The following UNC5A variants were observed in gnomAD, a reference collection of about 807,000 sequenced individuals.
UNC5A encodes the protein netrin receptor UNC5A.
Under a neutral mutation model 87.4 loss-of-function variants are expected in UNC5A, and 20 were observed. That is an observed-to-expected ratio of 0.23 (90% CI 0.16 to 0.33). The LOEUF is 0.33. Ranked by LOEUF, UNC5A falls within the 10% of genes least tolerant of loss-of-function variation. The pLI, the probability that UNC5A is intolerant of heterozygous loss-of-function variation, is 1.00. For missense variants in UNC5A, 844 were observed against 1,133.4 expected (o/e 0.74, Z 3.67); for synonymous variants, 438 against 482.3 (o/e 0.91, Z 1.20).
At chr5:176,876,869 A>G (rs562502903) in intron 8 of UNC5A, among the ~76,000 whole-genome samples, 43 of 152,314 alleles carry the variant, frequency 2.8e-4, no homozygotes, top group Non-Finnish European at 1.5e-5. Context: ...GTTTTAAGCA[A>G]GGGATACCCT....
At chr5:176,839,960 G>A (rs1757235886) in intron 1 of UNC5A, among the ~76,000 whole-genome samples, 1 of 151,930 alleles carries the variant, frequency 6.6e-6, no homozygotes, top group Non-Finnish European at 1.5e-5. Context: ...CAGGCTTGTG[G>A]TCTACTGCCT....
At chr5:176,829,156 A>AGATG (rs70991573) in intron 1 of UNC5A, among the ~76,000 whole-genome samples, 31 of 122,276 alleles carry the variant, frequency 2.5e-4, no homozygotes, top group African/African-American at 7.0e-4. Context: ...AAAGAAAGAA[A>AGATG]GATGGATGGA....
At chr5:176,867,087 C>T (rs1245572200) in intron 2 of UNC5A, among the ~76,000 whole-genome samples, 1 of 152,182 alleles carries the variant, frequency 6.6e-6, no homozygotes, top group Non-Finnish European at 1.5e-5. Flanking sequence ...GCAATGCAGC[C>T]CTAATTGAAT....
chr5:176,817,187 C>G (rs780907652), intron 1 of UNC5A, among the ~76,000 whole-genome samples: 2 of 149,396 alleles, frequency 1.3e-5, no homozygotes, highest in African/African-American at 2.5e-5. Flanking sequence ...CCCCCAGAGC[C>G]GGGCCTCTCC....
chr5:176,878,963 C>G (rs1465704189), intron 13 of UNC5A, among the ~76,000 whole-genome samples: 1 of 152,168 alleles, frequency 6.6e-6, no homozygotes, highest in African/African-American at 2.4e-5. Flanking sequence ...AGGGGAAGAG[C>G]ATTTCTGGCG....
chr5:176,860,023 G>A (rs1168908932), intron 1 of UNC5A, among the ~76,000 whole-genome samples: 1 of 152,226 alleles, frequency 6.6e-6, no homozygotes, highest in Admixed American at 6.5e-5. Flanking sequence ...CCAGGCGGCT[G>A]ACGCAAGCAG....
In UNC5A at chr5:176,841,567, G is replaced by A. The variant is rs1488721464; in HGVS notation, c.71-21057G>A. Among the ~76,000 whole-genome samples the A allele has an allele frequency of 1.3e-5, 2 of 152,254 alleles. No individual in the cohort carries two copies. Among genetic ancestry groups the A allele is most frequent in the African/African-American group, 4.8e-5 (2 of 41,462 alleles). On this transcript the variant is annotated intron_variant, in intron 1 of 14. Transcript: ENST00000329542. The surrounding 1 kb of genome is among the most constrained non-coding windows in gnomAD (Gnocchi z 4.1). ...GTAGCACCTAATTCGTAACGTTGCT[G>A]TGAGGATGAAATGAGAAGTTCTCTA...
rs576368102 is a variant in UNC5A at position 176,830,603 on chromosome 5, G to GGT, written c.70+19793_70+19794dup. 4.8e-3 allele frequency among the ~76,000 whole-genome samples: 630 copies of GGT among 131,996 alleles called. 9 individuals are homozygous for GGT. Among genetic ancestry groups the GGT allele is most frequent in the South Asian group, 0.013 (49 of 3,800 alleles). The allele number at this position is 131,996 out of a possible 152,430, so 86.6% of individuals were successfully genotyped here. ...GTGCGCGTGCTGGTGTGTGCATGCT[G>GGT]GTGTGTGTGTGCGCTGGCGTGTGTG... On this transcript the variant is annotated intron_variant, in intron 1 of 14. Coordinates refer to ENST00000329542, the MANE Select transcript of UNC5A (RefSeq NM_133369.3).
At chr5:176,822,683 A>T (rs1227851459) in intron 1 of UNC5A, among the ~76,000 whole-genome samples, 1 of 152,184 alleles carries the variant, frequency 6.6e-6, no homozygotes, top group East Asian at 1.9e-4. Flanking sequence ...GTGACTTCAG[A>T]GCTGGTCCCT....
intron 1 of UNC5A, among the ~76,000 whole-genome samples, chr5:176,858,415 G>T (rs190998600): frequency 2.6e-3 from 401 of 152,252 alleles, no homozygotes; most frequent in Non-Finnish European, 4.4e-3. Flanking sequence ...CTCCTGCCTC[G>T]GAGGGATCCA....
intron 1 of UNC5A, among the ~76,000 whole-genome samples, chr5:176,826,911 A>T (rs948672075): frequency 2.6e-5 from 4 of 151,672 alleles, no homozygotes; most frequent in African/African-American, 9.7e-5. Context: ...AGTGCTGGGA[A>T]TACAGGCGTG....
At position 176,810,816 on chromosome 5, in the gene UNC5A, C is replaced by T; in HGVS notation, c.66C>T (p.Gly22=). The T allele has an allele frequency of 8.2e-7, 1 of 1,222,374 alleles. No homozygotes were observed. Among genetic ancestry groups the T allele is most frequent in the Non-Finnish European group, 1.0e-6 (1 of 981,762 alleles). The allele number at this position is 1,222,374 out of a possible 1,614,324, so 75.7% of individuals were successfully genotyped here. A position where few individuals can be genotyped will look rare whatever the true frequency, so the allele number is the denominator to read the frequency against. The change falls in exon 1 of 15, where the codon GGC becomes GGT. Residue 22 remains glycine (G), a synonymous_variant. Transcript: ENST00000329542. This position sits in a 1 kb window ranked among gnomAD's most constrained non-coding sequence, Gnocchi z 7.3. ...LGIVLAAWLR[G]SGAQQSATVA... ...TAGTCCTCGCCGCTTGGCTCCGCGG[C>T]TCGGGTGAGTCACGCCGCGCGCGCT...
At chr5:176,819,069 C>T (rs1255975369) in intron 1 of UNC5A, among the ~76,000 whole-genome samples, 1 of 152,214 alleles carries the variant, frequency 6.6e-6, no homozygotes, top group East Asian at 1.9e-4. Flanking sequence ...CTTCTGGGGC[C>T]GCACAGGTTG....
At position 176,878,268 on chromosome 5, in the gene UNC5A, C is replaced by T. The variant is rs1282485929; in HGVS notation, c.1894C>T (p.Leu632=). 6.2e-6 allele frequency: 10 copies of T among 1,612,474 alleles called. No homozygotes were observed. Among genetic ancestry groups the T allele is most frequent in the Non-Finnish European group, 8.5e-6 (10 of 1,179,784 alleles). Residue 632 remains leucine, a synonymous_variant, in exon 12 of 15, where the codon CTG becomes TTG. Transcript: ENST00000329542. Reference sequence around the variant, plus strand: ...GGAGGTGGTGCAGCTGGAGAAGCAGCTGGGGGGACAGCTGATCCAGGAGCC... The same window carrying T: ...GGAGGTGGTGCAGCTGGAGAAGCAGTTGGGGGGACAGCTGATCCAGGAGCC... The part of the protein sequence containing the change: ...LKEVVQLEKQ[L]GGQLIQEPRV...
intron 1 of UNC5A, among the ~76,000 whole-genome samples, chr5:176,820,392 G>A (rs185853846): frequency 0.01 from 1,514 of 151,334 alleles, 32 homozygotes; most frequent in African/African-American, 0.035. Context: ...GTGAGACTCC[G>A]TCTCAAAAAA....
chr5:176,878,750 C>G, intron 13 of UNC5A, 111 bp downstream of exon 13: 1 of 1,409,974 alleles, frequency 7.1e-7, no homozygotes, highest in Non-Finnish European at 9.6e-7. Flanking sequence ...TCCCTCCCGC[C>G]TGTCCCCAGG....
chr5:176,833,191 G>C (rs907756324), intron 1 of UNC5A, among the ~76,000 whole-genome samples: 3 of 152,214 alleles, frequency 2.0e-5, no homozygotes, highest in African/African-American at 7.2e-5. Flanking sequence ...TGCGTGTGCA[G>C]GATTGTTACA....
At chr5:176,812,039 C>G (rs566915454) in intron 1 of UNC5A, among the ~76,000 whole-genome samples, 5 of 152,268 alleles carry the variant, frequency 3.3e-5, no homozygotes, top group East Asian at 3.9e-4. Flanking sequence ...CCGCCCCATC[C>G]TGCCTCCTCA....
chr5:176,818,909 T>C (rs574282337), intron 1 of UNC5A, among the ~76,000 whole-genome samples: 13 of 152,214 alleles, frequency 8.5e-5, no homozygotes, highest in Non-Finnish European at 1.6e-4. Flanking sequence ...TCTTGTGGTG[T>C]TGGCTTTCCT....
Sources: gnomAD v4.1 joint callset for allele counts (sites outside exome capture counted in the v4.1 genomes callset) on GRCh38, gnomAD v4.1.1 for gene constraint, Gnocchi (gnomAD v3.1) non-coding constraint, MANE v1.5 for transcripts, NCBI Gene and HGNC (gene_info 2026-07-23, HGNC 2026-07-21) for gene names.